LRRFIP1: variants seen among roughly 807,000 people sequenced by gnomAD.
LRRFIP1 encodes the protein leucine-rich repeat flightless-interacting protein 1.
In LRRFIP1, 62 loss-of-function variants were observed where a neutral mutation model predicts 104.4. The ratio of observed to expected loss-of-function variants is 0.59; its 90% CI spans 0.48 to 0.73. The LOEUF is 0.73. LRRFIP1 is among the 30% of genes least tolerant of loss of function. LRRFIP1 has a pLI of 0.00. For synonymous variants in LRRFIP1, 300 were observed against 299.0 expected, an observed-to-expected ratio of 1.00 and a Z score of -0.03; for missense variants, 796 against 824.5, an observed-to-expected ratio of 0.97 and a Z score of 0.42.
In LRRFIP1 at chr2:237,758,725, T is replaced by G. The variant is rs756811976; in HGVS notation, c.1225-4T>G. Reference sequence around the variant, plus strand: ...TCTTTCTCTTGGCTCTGCTGCACACTCAGGCATTAGAGAGGCAGAAAGAGT... The same window carrying G: ...TCTTTCTCTTGGCTCTGCTGCACACGCAGGCATTAGAGAGGCAGAAAGAGT... On this transcript the variant is annotated splice_polypyrimidine_tract_variant and splice_region_variant and intron_variant, in intron 17 of 23. Coordinates refer to ENST00000308482, the MANE Select transcript of LRRFIP1 (RefSeq NM_001137550.2). 3.7e-6 allele frequency: 6 copies of G among 1,605,128 alleles called. No individual in the cohort carries two copies. The highest frequency in any genetic ancestry group is 5.1e-6 in the Non-Finnish European group (6 of 1,173,796).
chr2:237,734,507 C>T (rs546063903), intron 9 of LRRFIP1, among the ~76,000 whole-genome samples: 212 of 152,112 alleles, frequency 1.4e-3, no homozygotes, highest in Non-Finnish European at 2.5e-3. Flanking sequence ...CTCAAACTCC[C>T]GACCTCAGGT....
rs542346303 is a variant in LRRFIP1, at chr2:237,681,836, C to T, written c.97-26708C>T. Among the ~76,000 whole-genome samples, 989 of 149,104 alleles carry T rather than the reference C, an allele frequency of 6.6e-3. 6 individuals are homozygous for T. Among genetic ancestry groups the T allele is most frequent in the Non-Finnish European group, 0.011 (734 of 67,424 alleles). On this transcript the variant is annotated intron_variant, in intron 1 of 23. Coordinates refer to ENST00000308482, the MANE Select transcript of LRRFIP1 (RefSeq NM_001137550.2). ...CTGGGACTACAGGCGCCCGCCACTACGCCCGGCTAATTTTTTGTATTTTTA... is the reference window on the plus strand; with the variant it reads ...CTGGGACTACAGGCGCCCGCCACTATGCCCGGCTAATTTTTTGTATTTTTA...
At chr2:237,646,058 G>A (rs895713089) in intron 1 of LRRFIP1, among the ~76,000 whole-genome samples, 1 of 151,910 alleles carries the variant, frequency 6.6e-6, no homozygotes, top group African/African-American at 2.4e-5. Flanking sequence ...CAGCGAAGGA[G>A]TTAATATGCA....
chr2:237,739,214 C>T lies in LRRFIP1; in HGVS notation c.556-18C>T, dbSNP rs767983714. The T allele has an allele frequency of 2.4e-5, 38 of 1,552,384 alleles. No homozygotes were observed. The East Asian group carries it at 8.2e-4, about 34-fold the overall frequency. The stretch of plus-strand genomic sequence containing the variant: ...CTTTGTTTCTGGCTGCGTGTCCTGG[C>T]GGTGGCTGTGTGGGCAGCCCTCGGA... On this transcript the variant is annotated intron_variant, in intron 10 of 23. Transcript: ENST00000308482.
At chr2:237,695,874 T>C (rs1214601723) in intron 1 of LRRFIP1, among the ~76,000 whole-genome samples, 1 of 152,228 alleles carries the variant, frequency 6.6e-6, no homozygotes. Flanking sequence ...AAATTAAATA[T>C]TTTGACTACA....
At chr2:237,678,383 C>A (rs1465141223) in intron 1 of LRRFIP1, among the ~76,000 whole-genome samples, 2 of 152,138 alleles carry the variant, frequency 1.3e-5, no homozygotes, top group Non-Finnish European at 2.9e-5. Flanking sequence ...AAGGTAGAAG[C>A]CCTGGGGTAT....
chr2:237,690,233 G>C (rs2092673211), intron 1 of LRRFIP1, among the ~76,000 whole-genome samples: 1 of 152,132 alleles, frequency 6.6e-6, no homozygotes, highest in Admixed American at 6.5e-5. Context: ...GTGGTCACAG[G>C]GTTCGGGGTG....
chr2:237,646,245 A>C (rs1330858030), intron 1 of LRRFIP1, among the ~76,000 whole-genome samples: 5 of 151,740 alleles, frequency 3.3e-5, no homozygotes. Context: ...TATGTATTAC[A>C]TTTTTTTCTT....
intron 17 of LRRFIP1, 106 bp from the exon 18 acceptor site, chr2:237,758,623 C>T: frequency 2.8e-6 from 2 of 711,596 alleles, no homozygotes; most frequent in Non-Finnish European, 2.4e-6. Context: ...GTCTAGAGTC[C>T]ACTAGTGTTT....
Position 237,627,726 on chromosome 2 carries a change from C to G in LRRFIP1, c.82C>G (p.Gln28Glu). 1 of 1,335,872 alleles carries G rather than the reference C, an allele frequency of 7.5e-7. No individual in the cohort carries two copies. The highest frequency in any genetic ancestry group is 9.7e-7 in the Non-Finnish European group (1 of 1,033,076). The allele number at this position is 1,335,872 out of a possible 1,614,324, so 82.8% of individuals were successfully genotyped here. A position where few individuals can be genotyped will look rare whatever the true frequency, so the allele number is the denominator to read the frequency against. Residue 28 changes from glutamine to glutamate, a missense_variant, in exon 1 of 24, where the codon CAG (glutamine) becomes GAG (glutamate). By Grantham distance (29) the Gln-to-Glu change is conservative. Coordinates refer to ENST00000308482, the MANE Select transcript of LRRFIP1 (RefSeq NM_001137550.2). ...RLTAEDDALN[Q>E]IAREAEARLA... ...CACGGCGGAGGACGACGCGCTCAAC[C>G]AGATCGCGCGGGAGGTGAGCGCTCC... is the stretch of plus-strand genomic sequence containing the variant.
At chr2:237,710,281 T>A (rs1423065103) in intron 2 of LRRFIP1, among the ~76,000 whole-genome samples, 1 of 151,728 alleles carries the variant, frequency 6.6e-6, no homozygotes, top group Non-Finnish European at 1.5e-5. Flanking sequence ...ATTGATTGTA[T>A]CCTTTTTTTT....
intron 13 of LRRFIP1, among the ~76,000 whole-genome samples, chr2:237,750,486 G>A (rs955001361): frequency 5.3e-5 from 8 of 151,684 alleles, no homozygotes; most frequent in South Asian, 2.1e-4. Context: ...ACAGGCGCCC[G>A]CCACCATGCC....
At chr2:237,769,648 C>T (rs569671064) in intron 19 of LRRFIP1, 3 of 347,016 alleles carry the variant, frequency 8.6e-6, no homozygotes, top group South Asian at 4.7e-5. Context: ...TGTGTTGCAG[C>T]GTGGTTTGGC....
At chr2:237,724,297 GAAGGACTT>G (rs2094653570) in intron 7 of LRRFIP1, among the ~76,000 whole-genome samples, 1 of 152,186 alleles carries the variant, frequency 6.6e-6, no homozygotes, top group Non-Finnish European at 1.5e-5. Flanking sequence ...TATTTCACCT[GAAGGACTT>G]TACCTAAAAG....
chr2:237,731,227 A>G (rs1411437514), intron 8 of LRRFIP1, among the ~76,000 whole-genome samples: 3 of 152,182 alleles, frequency 2.0e-5, no homozygotes, highest in Non-Finnish European at 4.4e-5. Flanking sequence ...AAATGCTTCT[A>G]GAAGAAATAG....
chr2:237,696,237 A>G (rs2093176817), intron 1 of LRRFIP1, among the ~76,000 whole-genome samples: 1 of 152,214 alleles, frequency 6.6e-6, no homozygotes, highest in African/African-American at 2.4e-5. Flanking sequence ...AAGATGATCA[A>G]AGCAACGCCA....
At chr2:237,710,544 C>T (rs559163824) in intron 2 of LRRFIP1, among the ~76,000 whole-genome samples, 1 of 152,284 alleles carries the variant, frequency 6.6e-6, no homozygotes, top group South Asian at 2.1e-4. Flanking sequence ...GTTTCAGCCT[C>T]CCAAAGTGTT....
At chr2:237,675,952 C>G (rs867519278) in intron 1 of LRRFIP1, among the ~76,000 whole-genome samples, 1 of 152,204 alleles carries the variant, frequency 6.6e-6, no homozygotes, top group South Asian at 2.1e-4. Flanking sequence ...TAATGTAAAA[C>G]TTTGACCATA....
intron 16 of LRRFIP1, 50 bp from the exon 17 acceptor site, chr2:237,757,406 T>C: frequency 7.6e-7 from 1 of 1,321,158 alleles, no homozygotes; most frequent in Non-Finnish European, 1.1e-6. Flanking sequence ...GGCTGGGGTT[T>C]TTCTTCCTCT....
Sources: gnomAD v4.1 joint callset for allele counts (sites outside exome capture counted in the v4.1 genomes callset) on GRCh38, gnomAD v4.1.1 for gene constraint, MANE v1.5 for transcripts, NCBI Gene and HGNC (gene_info 2026-07-23, HGNC 2026-07-21) for gene names.